Variants in ICA1 observed in about 807,000 individuals in gnomAD.
ICA1 encodes islet cell autoantigen 1.
In ICA1, 40 loss-of-function variants were observed where a neutral mutation model predicts 71.0. That is an observed-to-expected ratio of 0.56 (90% CI 0.44 to 0.73). ICA1 has a LOEUF of 0.73. Ranked by LOEUF, ICA1 falls within the 30% of genes least tolerant of loss-of-function variation. The pLI is 0.00. For missense variants in ICA1, 578 were observed against 576.5 expected, an observed-to-expected ratio of 1.00 and a Z score of -0.03; for synonymous variants, 207 against 209.5, an observed-to-expected ratio of 0.99 and a Z score of 0.10.
intron 4 of ICA1, among the ~76,000 whole-genome samples, chr7:8,228,372 T>C (rs1452543689): frequency 6.6e-6 from 1 of 152,152 alleles, no homozygotes; most frequent in African/African-American, 2.4e-5. Flanking sequence ...ATAAATGGCA[T>C]GTCCATATCC....
chr7:8,192,326 G>A (rs566853426), intron 6 of ICA1, among the ~76,000 whole-genome samples: 11 of 152,292 alleles, frequency 7.2e-5, no homozygotes, highest in African/African-American at 2.6e-4. Flanking sequence ...ATTTTAGAGA[G>A]TGTTCCACAT....
chr7:8,141,766 C>T lies in ICA1; in HGVS notation c.954G>A (p.Lys318=). 9.7e-6 allele frequency: 15 copies of T among 1,543,080 alleles called. No individual in the cohort carries two copies. Among genetic ancestry groups the T allele is most frequent in the Non-Finnish European group, 1.2e-5 (14 of 1,125,992 alleles). The change falls in exon 10 of 14, where the codon AAG becomes AAA. Residue 318 remains lysine, a splice_region_variant and synonymous_variant. Transcript: ENST00000402384. ...TTCTAAATAAAAATCAAAACTTACT[C>T]TTAAAACTAGAGGATTCCTTGCGCT... ...ENQRKESSSF[K]TEDGKSILSA... is the part of the protein sequence containing the mutation.
At position 8,173,791 on chromosome 7, in the gene ICA1, T is replaced by G. The variant is rs1168638943; in HGVS notation, c.580-15139A>C. ...CATTACTTACTTCTTAATTCCTTTCTTCCCTCTCTTCCTCCTCCCAAGCAA... is the reference window on the plus strand; with the variant it reads ...CATTACTTACTTCTTAATTCCTTTCGTCCCTCTCTTCCTCCTCCCAAGCAA... On this transcript the variant is annotated intron_variant, in intron 6 of 13. Transcript: ENST00000402384. The surrounding 1 kb of genome is among the most constrained non-coding windows in gnomAD (Gnocchi z 4.0). Among the ~76,000 whole-genome samples, 2 of 152,032 alleles carry G rather than the reference T, an allele frequency of 1.3e-5. No individual in the cohort carries two copies. Among genetic ancestry groups the G allele is most frequent in the African/African-American group, 4.8e-5 (2 of 41,388 alleles).
At chr7:8,208,148 T>C (rs1792282926) in intron 6 of ICA1, among the ~76,000 whole-genome samples, 1 of 152,230 alleles carries the variant, frequency 6.6e-6, no homozygotes, top group Non-Finnish European at 1.5e-5. Context: ...CTTTCTAAAA[T>C]ATTAATTTTC....
chr7:8,254,493 C>T (rs965269156), intron 1 of ICA1, among the ~76,000 whole-genome samples: 16 of 148,462 alleles, frequency 1.1e-4, no homozygotes, highest in African/African-American at 3.5e-4. Context: ...ACCACACTTG[C>T]GTCTGCTGGG....
intron 6 of ICA1, among the ~76,000 whole-genome samples, chr7:8,210,258 T>C (rs1213304604): frequency 6.6e-6 from 1 of 152,172 alleles, no homozygotes; most frequent in East Asian, 1.9e-4. Flanking sequence ...AGAGGCCTCC[T>C]GCATGTGGAG....
At position 8,173,190 on chromosome 7, in the gene ICA1, C is replaced by T. The variant is rs1437500107; in HGVS notation, c.580-14538G>A. Among the ~76,000 whole-genome samples, 1 of 152,128 alleles carries T rather than the reference C, an allele frequency of 6.6e-6. No individual in the cohort carries two copies. The highest frequency in any genetic ancestry group is 1.5e-5 in the Non-Finnish European group (1 of 68,030). On this transcript the variant is annotated intron_variant, in intron 6 of 13. Transcript: ENST00000402384. The surrounding 1 kb of genome is among the most constrained non-coding windows in gnomAD (Gnocchi z 4.0). ...TCTCTAAGTAACCAGGGCTCCTTGA[C>T]AAAACTGCTGATTCCAGGACTAGGG...
Position 8,130,278 on chromosome 7 carries a change from C to T in ICA1, c.1061-2136G>A, listed in dbSNP as rs1790954044. On this transcript the variant is annotated intron_variant, in intron 12 of 13. Coordinates refer to ENST00000402384, the MANE Select transcript of ICA1 (RefSeq NM_001136020.3). This position sits in a 1 kb window ranked among gnomAD's most constrained non-coding sequence, Gnocchi z 4.2. Reference sequence around the variant, plus strand: ...TGATATTAACAGGGTAGTTCAGGAACCACTTGAGCCTGCACATGGTGGGCG... The same window carrying T: ...TGATATTAACAGGGTAGTTCAGGAATCACTTGAGCCTGCACATGGTGGGCG... 6.6e-6 allele frequency among the ~76,000 whole-genome samples: 1 copy of T among 152,286 alleles called. No individual in the cohort carries two copies. The highest frequency in any genetic ancestry group is 3.4e-3 in the Middle Eastern group (1 of 294).
chr7:8,127,436 GC>G (rs1291088040), intron 13 of ICA1, among the ~76,000 whole-genome samples: 1 of 152,134 alleles, frequency 6.6e-6, no homozygotes, highest in African/African-American at 2.4e-5. Context: ...TAGAAAGGGA[GC>G]AGAAATGCAA....
intron 6 of ICA1, among the ~76,000 whole-genome samples, chr7:8,172,444 G>C (rs974315528): frequency 1.1e-4 from 16 of 151,970 alleles, no homozygotes; most frequent in African/African-American, 3.9e-4. Flanking sequence ...CTATCCTTTT[G>C]TTTTGAATAA....
chr7:8,182,825 A>C (rs1404547199), intron 6 of ICA1, among the ~76,000 whole-genome samples: 4 of 152,192 alleles, frequency 2.6e-5, no homozygotes, highest in African/African-American at 7.2e-5. Context: ...TTTTTTAAAG[A>C]AAACCCACTG....
chr7:8,143,829 T>A, intron 9 of ICA1, 46 bp downstream of exon 9: 2 of 1,250,726 alleles, frequency 1.6e-6, no homozygotes, highest in South Asian at 2.4e-5. Flanking sequence ...CACATAACTC[T>A]CACCTGTGGG....
At chr7:8,181,684 C>A (rs145831173) in intron 6 of ICA1, among the ~76,000 whole-genome samples, 1 of 152,120 alleles carries the variant, frequency 6.6e-6, no homozygotes, top group Non-Finnish European at 1.5e-5. Flanking sequence ...TCTCACATGT[C>A]TGTGATAAGA....
At chr7:8,251,982 A>G (rs1347668475) in intron 1 of ICA1, among the ~76,000 whole-genome samples, 2 of 152,216 alleles carry the variant, frequency 1.3e-5, no homozygotes, top group Non-Finnish European at 2.9e-5. Flanking sequence ...CAGTAATAAC[A>G]AAGAGGTAGG....
At chr7:8,152,792 C>A (rs1799760408) in intron 8 of ICA1, among the ~76,000 whole-genome samples, 1 of 133,532 alleles carries the variant, frequency 7.5e-6, no homozygotes, top group African/African-American at 2.8e-5. Context: ...CCATCACCAT[C>A]ACCTCCACCA....
At chr7:8,141,005 G>A (rs1406041302) in intron 10 of ICA1, among the ~76,000 whole-genome samples, 5 of 152,186 alleles carry the variant, frequency 3.3e-5, no homozygotes, top group Non-Finnish European at 5.9e-5. Flanking sequence ...CAGTGTTGGG[G>A]TAATTTTAGT....
intron 6 of ICA1, among the ~76,000 whole-genome samples, chr7:8,215,407 A>G (rs933163398): frequency 6.6e-5 from 10 of 152,128 alleles, no homozygotes; most frequent in African/African-American, 2.4e-4. Context: ...TCCTCCAGGA[A>G]GCCCCTTCCA....
intron 1 of ICA1, among the ~76,000 whole-genome samples, chr7:8,260,065 G>C (rs140221692): frequency 6.6e-6 from 1 of 152,074 alleles, no homozygotes; most frequent in Non-Finnish European, 1.5e-5. Flanking sequence ...CTCAACCAAC[G>C]AAGAGGAAAA....
chr7:8,183,066 T>A (rs975992375), intron 6 of ICA1, among the ~76,000 whole-genome samples: 3 of 152,142 alleles, frequency 2.0e-5, no homozygotes, highest in Non-Finnish European at 4.4e-5. Context: ...GACTCCAGAA[T>A]AACAGACAAG....
Sources: allele counts gnomAD v4.1 joint callset (sites outside exome capture counted in the v4.1 genomes callset), GRCh38; gene constraint gnomAD v4.1.1; non-coding constraint Gnocchi (gnomAD v3.1); transcripts MANE v1.5; gene names NCBI Gene and HGNC (gene_info 2026-07-23, HGNC 2026-07-21).